The following AMZ1 variants were observed in gnomAD, a reference collection of about 807,000 sequenced individuals.
The protein encoded by AMZ1 is archaemetzincin-1.
AMZ1 carries 39 observed loss-of-function variants against 29.9 expected under a neutral mutation model. The observed-to-expected ratio is 1.30, with a 90% CI of 1.01 to 1.70. The LOEUF (loss-of-function observed/expected upper bound fraction) is 1.70. AMZ1 is among the 40% of genes most tolerant of loss of function. The probability of loss-of-function intolerance (pLI) is 0.00; values close to 1 mark genes in which losing one functional copy is unlikely to be tolerated. For missense variants in AMZ1, 1,041 were observed against 680.6 expected (o/e 1.53, Z -5.89); for synonymous variants, 458 against 304.0 (o/e 1.51, Z -5.27).
intron 4 of AMZ1, among the ~76,000 whole-genome samples, chr7:2,745,567 A>G (rs1326409485): frequency 2.6e-5 from 4 of 152,322 alleles, no homozygotes; most frequent in Admixed American, 2.0e-4. Flanking sequence ...GCAATAACAT[A>G]CCAAATTGTA....
chr7:2,762,749 T>G (rs1048828300), upstream of AMZ1: 6 of 1,553,036 alleles, frequency 3.9e-6, no homozygotes, highest in Non-Finnish European at 5.2e-6. Flanking sequence ...CCGCAGGAAG[T>G]GCACCAGGCC....
chr7:2,719,456 C>T lies in AMZ1; in HGVS notation c.*6578C>T, dbSNP rs1436820686. Among the ~76,000 whole-genome samples, 10 of 152,218 alleles carry T rather than the reference C, an allele frequency of 6.6e-5. No individual in the cohort carries two copies. Among genetic ancestry groups the T allele is most frequent in the Admixed American group, 6.5e-5 (1 of 15,288 alleles). On this transcript the variant is annotated 3_prime_UTR_variant, in exon 7 of 7. Transcript: ENST00000683327. ...ACGCACAAGTCCCACAATAGCCTCT[C>T]CCAACGGGAACGACTTAGCCCTAAT...
chr7:2,754,829 G>C (rs759508275), intron 4 of AMZ1, among the ~76,000 whole-genome samples: 1 of 152,148 alleles, frequency 6.6e-6, no homozygotes, highest in Non-Finnish European at 1.5e-5. Context: ...GATTTCAACG[G>C]ATCACTAGGG....
At position 2,717,791 on chromosome 7, in the gene AMZ1, G is replaced by T. The variant is rs574003071; in HGVS notation, c.*4913G>T. 6.6e-6 allele frequency among the ~76,000 whole-genome samples: 1 copy of T among 152,172 alleles called. No individual in the cohort carries two copies. Among genetic ancestry groups the T allele is most frequent in the African/African-American group, 2.4e-5 (1 of 41,448 alleles). ...TGAATGAGAACCCGGAAGAATGGAG[G>T]TTTATTTTTGAACTCAGCTTCTTGG... On this transcript the variant is annotated 3_prime_UTR_variant, in exon 7 of 7. Transcript: ENST00000683327.
chr7:2,720,716 T>A (rs1488029718), downstream of AMZ1, among the ~76,000 whole-genome samples: 1 of 151,592 alleles, frequency 6.6e-6, no homozygotes, highest in African/African-American at 2.4e-5. Context: ...AAAAAAAAAA[T>A]TATTTTAGAT....
chr7:2,742,091 A>G (rs545795471), intron 4 of AMZ1, among the ~76,000 whole-genome samples: 2 of 151,672 alleles, frequency 1.3e-5, no homozygotes, highest in Non-Finnish European at 2.9e-5. Context: ...GGGCGATCTC[A>G]GCTCACTGCA....
intron 4 of AMZ1, among the ~76,000 whole-genome samples, chr7:2,736,553 C>T (rs542340623): frequency 6.6e-6 from 1 of 152,286 alleles, no homozygotes; most frequent in East Asian, 1.9e-4. Context: ...TTTCAAGCAG[C>T]AGCAGCAGGT....
At chr7:2,709,371 G>A (rs1308097829) in intron 5 of AMZ1, 127 bp downstream of exon 5, 20 of 1,126,228 alleles carry the variant, frequency 1.8e-5, no homozygotes, top group Non-Finnish European at 1.9e-5. Flanking sequence ...TATGGAATGA[G>A]GAAAGCAAGG....
intron 4 of AMZ1, among the ~76,000 whole-genome samples, chr7:2,741,603 G>C (rs1376420501): frequency 6.6e-6 from 1 of 152,148 alleles, no homozygotes; most frequent in Non-Finnish European, 1.5e-5. Context: ...AAAGTTGCAA[G>C]AATAGTACAA....
chr7:2,762,363 A>AG (rs33991430), upstream of AMZ1: 109,008 of 407,352 alleles, frequency 0.27, 15,748 homozygotes, highest in Non-Finnish European at 0.29. Flanking sequence ...CACCGAATCC[A>AG]GACACGGTAT....
chr7:2,746,124 T>C (rs59425939), intron 4 of AMZ1, among the ~76,000 whole-genome samples: 32 of 152,140 alleles, frequency 2.1e-4, no homozygotes, highest in African/African-American at 7.0e-4. Flanking sequence ...GACAGAAAGT[T>C]AACAAGGATA....
upstream of AMZ1, among the ~76,000 whole-genome samples, chr7:2,686,630 G>C (rs1787087137): frequency 1.3e-5 from 2 of 152,136 alleles, no homozygotes; most frequent in South Asian, 4.1e-4. Flanking sequence ...TACACAGTTG[G>C]CTTATGGGGT....
intron 4 of AMZ1, among the ~76,000 whole-genome samples, chr7:2,749,500 G>A (rs956814293): frequency 2.0e-5 from 3 of 149,432 alleles, no homozygotes; most frequent in African/African-American, 5.0e-5. Context: ...ATCACACACC[G>A]GGGACTATTG....
intron 4 of AMZ1, among the ~76,000 whole-genome samples, chr7:2,753,191 G>A (rs1583238566): frequency 1.3e-5 from 2 of 151,772 alleles, no homozygotes; most frequent in South Asian, 4.2e-4. Flanking sequence ...GTCTTACTGT[G>A]TTGCCCAGGA....
downstream of AMZ1, among the ~76,000 whole-genome samples, chr7:2,720,011 G>A (rs969162628): frequency 2.6e-5 from 4 of 152,214 alleles, no homozygotes; most frequent in Admixed American, 6.5e-5. Context: ...GGGCTTAAAC[G>A]AAGAGGATGA....
chr7:2,693,647 C>T (rs1028956519), intron 1 of AMZ1, among the ~76,000 whole-genome samples: 1 of 152,220 alleles, frequency 6.6e-6, no homozygotes, highest in African/African-American at 2.4e-5. Context: ...GCTCCGCCTC[C>T]CGGGTTCACT....
At chr7:2,707,156 C>A (rs978611364) in intron 3 of AMZ1, among the ~76,000 whole-genome samples, 1 of 151,976 alleles carries the variant, frequency 6.6e-6, no homozygotes, top group Non-Finnish European at 1.5e-5. Flanking sequence ...GCCTGTAATC[C>A]CTGCTACTCA....
At chr7:2,689,709 C>CA in intron 1 of AMZ1, among the ~76,000 whole-genome samples, 1 of 152,232 alleles carries the variant, frequency 6.6e-6, no homozygotes, top group East Asian at 1.9e-4. Flanking sequence ...AGGACGCAGG[C>CA]ATGAGACCTG....
At position 2,731,828 on chromosome 7, in the gene AMZ1, A is replaced by G. The variant is rs1789912054; in HGVS notation, n.550+22012A>G. The G allele has an allele frequency of 2.7e-6, 2 of 753,054 alleles. No individual in the cohort carries two copies. The highest frequency in any genetic ancestry group is 4.0e-6 in the Non-Finnish European group (2 of 496,028). 46.6% of individuals were successfully genotyped at this position (753,054 alleles called of 1,614,324 possible). ...AAAATAGAAACAAAAAGATGGCAAA[A>G]AGATAAGAAGGAAAGAGACTGACTT... On this transcript the variant is annotated intron_variant and non_coding_transcript_variant, in intron 4 of 4. Transcript: ENST00000489665. This position sits in a 1 kb window ranked among gnomAD's most constrained non-coding sequence, Gnocchi z 6.0.
Sources: allele counts gnomAD v4.1 joint callset (sites outside exome capture counted in the v4.1 genomes callset), GRCh38; gene constraint gnomAD v4.1.1; non-coding constraint Gnocchi (gnomAD v3.1); transcripts MANE v1.5; gene names NCBI Gene and HGNC (gene_info 2026-07-23, HGNC 2026-07-21).